Variants in COL4A5 observed in about 807,000 individuals in gnomAD.
COL4A5 encodes the protein collagen alpha-5(IV) chain.
In COL4A5, 26 loss-of-function variants were observed where a neutral mutation model predicts 130.2. That is an observed-to-expected ratio of 0.20 (90% CI 0.15 to 0.28). The LOEUF (loss-of-function observed/expected upper bound fraction) is 0.28. Among genes scored for constraint, COL4A5 ranks in the 10% least tolerant of loss-of-function variants. The pLI is 1.00. For missense variants in COL4A5, 1,131 were observed against 1,344.3 expected, an observed-to-expected ratio of 0.84 and a Z score of 2.48; for synonymous variants, 496 against 439.6, an observed-to-expected ratio of 1.13 and a Z score of -1.60.
intron 30 of COL4A5, among the ~76,000 whole-genome samples, chrX:108,617,078 G>A (rs924279910): frequency 2.7e-5 from 3 of 110,602 alleles, no homozygotes; most frequent in Non-Finnish European, 5.7e-5. Flanking sequence ...ATATAGAAAT[G>A]TTCTCAAATC....
chrX:108,623,748 T>C (rs1428990363), intron 33 of COL4A5, among the ~76,000 whole-genome samples: 2 of 111,785 alleles, frequency 1.8e-5, no homozygotes, highest in African/African-American at 6.5e-5. Context: ...CAAAAAAGAA[T>C]TAAAAATATT....
At chrX:108,623,692 GA>G (rs1481534830) in intron 33 of COL4A5, among the ~76,000 whole-genome samples, 1 of 111,735 alleles carries the variant, frequency 8.9e-6, no homozygotes. Flanking sequence ...AGTGTACACA[GA>G]TGTTAACAGT....
At chrX:108,481,556 A>G (rs1207663986) in intron 1 of COL4A5, among the ~76,000 whole-genome samples, 3 of 112,012 alleles carry the variant, frequency 2.7e-5, no homozygotes, top group African/African-American at 6.5e-5. Flanking sequence ...TTTCGCTTCT[A>G]GGAACACTGT....
At chrX:108,692,681 G>A (rs942081314) in intron 49 of COL4A5, 67 bp from the exon 50 acceptor site, 8 of 1,074,122 alleles carry the variant, frequency 7.4e-6, no homozygotes, top group Non-Finnish European at 1.0e-5. Context: ...GTTTGCTATT[G>A]TTTTAGAAGA....
chrX:108,456,910 C>T (rs1247775358), intron 1 of COL4A5, among the ~76,000 whole-genome samples: 6 of 111,502 alleles, frequency 5.4e-5, no homozygotes, highest in East Asian at 2.8e-4. Flanking sequence ...GAAGCTAAAC[C>T]GGAGAAAGTG....
At chrX:108,476,911 G>T (rs757310227) in intron 1 of COL4A5, among the ~76,000 whole-genome samples, 3 of 111,474 alleles carry the variant, frequency 2.7e-5, no homozygotes, top group South Asian at 7.5e-4. Flanking sequence ...ATATCTCTTT[G>T]ATCTACTTAT....
intron 36 of COL4A5, among the ~76,000 whole-genome samples, chrX:108,636,757 T>A (rs1365230927): frequency 1.8e-5 from 2 of 110,632 alleles, no homozygotes; most frequent in Non-Finnish European, 3.8e-5. Context: ...ACAAAGTAAG[T>A]CTTCATACAC....
chrX:108,549,079 G>A (rs2065711404), intron 2 of COL4A5, among the ~76,000 whole-genome samples: 1 of 111,388 alleles, frequency 9.0e-6, no homozygotes, highest in Admixed American at 9.6e-5. Context: ...AATATAAGAG[G>A]ATTATATCTC....
At chrX:108,492,330 C>CTGT (rs1218856477) in intron 1 of COL4A5, among the ~76,000 whole-genome samples, 1 of 111,420 alleles carries the variant, frequency 9.0e-6, no homozygotes, top group Non-Finnish European at 1.9e-5. Context: ...TTTCAGTGGC[C>CTGT]ACACAACAAA....
intron 1 of COL4A5, among the ~76,000 whole-genome samples, chrX:108,459,139 T>A (rs1165919258): frequency 1.8e-5 from 2 of 111,542 alleles, no homozygotes; most frequent in African/African-American, 6.6e-5. Context: ...TGTTGGTATA[T>A]AGAAATACAA....
intron 23 of COL4A5, 71 bp downstream of exon 23, chrX:108,597,139 T>C: frequency 2.2e-6 from 2 of 901,717 alleles, no homozygotes; most frequent in African/African-American, 2.0e-5. Flanking sequence ...TTTTCAATTA[T>C]TCATATATAT....
At chrX:108,555,759 T>G (rs1456091034) in intron 2 of COL4A5, among the ~76,000 whole-genome samples, 2 of 111,842 alleles carry the variant, frequency 1.8e-5, no homozygotes, top group African/African-American at 6.5e-5. Flanking sequence ...TGGTAACACT[T>G]TTATGGATGC....
intron 30 of COL4A5, among the ~76,000 whole-genome samples, chrX:108,616,493 C>T (rs1392397526): frequency 9.0e-6 from 1 of 111,247 alleles, no homozygotes; most frequent in Non-Finnish European, 1.9e-5. Context: ...GCCTCGGCCT[C>T]CCAGAGTGCT....
intron 1 of COL4A5, among the ~76,000 whole-genome samples, chrX:108,452,095 T>G (rs948898982): frequency 8.9e-6 from 1 of 112,053 alleles, no homozygotes; most frequent in Non-Finnish European, 1.9e-5. Flanking sequence ...CTTTCCCCAT[T>G]GCTTGTTTTT....
chrX:108,648,364 A>G (rs2067653057), intron 36 of COL4A5, among the ~76,000 whole-genome samples: 1 of 111,597 alleles, frequency 9.0e-6, no homozygotes, highest in African/African-American at 3.3e-5. Flanking sequence ...ACACTATTCC[A>G]CAAGACAGAG....
chrX:108,696,140 T>C (rs1342348397), intron 52 of COL4A5, 157 bp from the exon 53 acceptor site: 3 of 490,224 alleles, frequency 6.1e-6, no homozygotes, highest in African/African-American at 4.7e-5. Context: ...TAAACCATAC[T>C]AGTCACTGCA....
At chrX:108,541,103 A>G (rs1438245702) in intron 2 of COL4A5, among the ~76,000 whole-genome samples, 1 of 111,902 alleles carries the variant, frequency 8.9e-6, no homozygotes, top group Non-Finnish European at 1.9e-5. Context: ...AAAGAAACCT[A>G]TTTGTTTGTT....
intron 36 of COL4A5, among the ~76,000 whole-genome samples, chrX:108,631,171 G>GT (rs1266820450): frequency 5.4e-5 from 6 of 111,727 alleles, no homozygotes; most frequent in Non-Finnish European, 9.4e-5. Flanking sequence ...CTTTAAAATA[G>GT]TTTTTTCCAA....
At chrX:108,518,639 A>T (rs1430599822) in intron 1 of COL4A5, among the ~76,000 whole-genome samples, 1 of 111,388 alleles carries the variant, frequency 9.0e-6, no homozygotes, top group Non-Finnish European at 1.9e-5. Context: ...AAACTAAGTA[A>T]GCATATTTTA....
Sources: gnomAD v4.1 joint callset for allele counts (sites outside exome capture counted in the v4.1 genomes callset) on GRCh38, gnomAD v4.1.1 for gene constraint, MANE v1.5 for transcripts, NCBI Gene and HGNC (gene_info 2026-07-23, HGNC 2026-07-21) for gene names.